Variants in PDGFRB observed in about 807,000 individuals in gnomAD.
The protein encoded by PDGFRB is platelet derived growth factor receptor beta, also known as platelet-derived growth factor receptor beta.
In PDGFRB, 42 loss-of-function variants were observed where a neutral mutation model predicts 120.2. That is an observed-to-expected ratio of 0.35 (90% CI 0.27 to 0.45). PDGFRB has a LOEUF of 0.45. PDGFRB is among the 20% of genes least tolerant of loss of function. The pLI is 1.00. For synonymous variants in PDGFRB, 586 were observed against 606.8 expected (o/e 0.97, Z 0.50); for missense variants, 1,149 against 1,476.3 (o/e 0.78, Z 3.63).
At chr5:150,155,344 A>T in intron 1 of PDGFRB, 53 bp downstream of exon 1, 5 of 194,826 alleles carry the variant, frequency 2.6e-5, no homozygotes, top group Non-Finnish European at 4.5e-5. Context: ...GATGCAGGTT[A>T]GGGCAAAGGG....
Position 150,118,796 on chromosome 5 carries a change from G to A in PDGFRB, c.2855C>T (p.Ser952Phe), listed in dbSNP as rs376007701. The A allele has an allele frequency of 1.9e-6, 3 of 1,613,742 alleles. No homozygotes were observed. In the East Asian group the frequency reaches 6.7e-5, roughly 36 times the overall value. ...TCTCTCGAGAAGCAGCACCAGCTGG[G>A]AGAAGGGGGGCCGAATCTCAAACTT... is the stretch of plus-strand genomic sequence containing the variant. ...EEKFEIRPPF[S>F]QLVLLLERLL... The change falls in exon 21 of 23, where the codon TCC becomes TTC. Residue 952 changes from serine (S) to phenylalanine (F), a missense_variant. Physicochemically the swap from Ser to Phe is radical, Grantham distance 155 (BLOSUM62 -2). Coordinates refer to ENST00000261799, the MANE Select transcript of PDGFRB (RefSeq NM_002609.4).
intron 1 of PDGFRB, among the ~76,000 whole-genome samples, chr5:150,145,833 C>T (rs1249070208): frequency 6.6e-6 from 1 of 152,108 alleles, no homozygotes; most frequent in Admixed American, 6.6e-5. Context: ...CCCGAGATCG[C>T]GCCACTGCAC....
rs114986650 is a variant in PDGFRB at position 150,131,270 on chromosome 5, C to T, written c.1244-608G>A. ...CACTGCCCTATCCCCGTTCTGACTT[C>T]ATCTCCCACCACTCTCCCCAACAGC... is the stretch of plus-strand genomic sequence containing the variant. On this transcript the variant is annotated intron_variant, in intron 8 of 22. Coordinates refer to ENST00000261799, the MANE Select transcript of PDGFRB (RefSeq NM_002609.4). 3.7e-3 allele frequency among the ~76,000 whole-genome samples: 558 copies of T among 152,268 alleles called. 2 individuals are homozygous for T. The highest frequency in any genetic ancestry group is 0.013 in the African/African-American group (545 of 41,534).
Position 150,154,357 on chromosome 5 carries a change from A to G in PDGFRB, c.-7+1040T>C, listed in dbSNP as rs563474725. Among the ~76,000 whole-genome samples, 6 of 152,280 alleles carry G rather than the reference A, an allele frequency of 3.9e-5. No individual in the cohort carries two copies. In the South Asian group the frequency reaches 1.2e-3, roughly 32 times the overall value. On this transcript the variant is annotated intron_variant, in intron 1 of 22. Transcript: ENST00000261799. Reference sequence around the variant, plus strand: ...GGCACGGGGAGATTCCAACCTCTCCAGGCTGTGCCACTTACTAGCTGTGTG... The same window carrying G: ...GGCACGGGGAGATTCCAACCTCTCCGGGCTGTGCCACTTACTAGCTGTGTG...
chr5:150,123,695 C>T (rs1207162042), intron 14 of PDGFRB, among the ~76,000 whole-genome samples: 8 of 152,136 alleles, frequency 5.3e-5, no homozygotes, highest in Admixed American at 5.2e-4. Flanking sequence ...TCATTGCAAA[C>T]GTGAATAAGT....
chr5:150,121,549 C>T lies in PDGFRB; in HGVS notation c.2345-227G>A, dbSNP rs1446879739. The stretch of plus-strand genomic sequence containing the variant: ...TAGCCCTTGGGCCACTTTTGCCCAG[C>T]CTGGCCTGCCTGCCTGCCTCTCAGG... On this transcript the variant is annotated intron_variant, in intron 16 of 22. Coordinates refer to ENST00000261799, the MANE Select transcript of PDGFRB (RefSeq NM_002609.4). This position sits in a 1 kb window ranked among gnomAD's most constrained non-coding sequence, Gnocchi z 4.1. 6.6e-6 allele frequency among the ~76,000 whole-genome samples: 1 copy of T among 152,242 alleles called. No individual in the cohort carries two copies. Among genetic ancestry groups the T allele is most frequent in the African/African-American group, 2.4e-5 (1 of 41,466 alleles).
chr5:150,119,593 C>G, intron 19 of PDGFRB, 27 bp from the exon 20 acceptor site: 2 of 1,402,096 alleles, frequency 1.4e-6, no homozygotes, highest in Non-Finnish European at 2.0e-6. Flanking sequence ...ACAAGAGATA[C>G]ACAGGCTCAG....
At chr5:150,140,104 G>A (rs1417816275) in intron 1 of PDGFRB, among the ~76,000 whole-genome samples, 1 of 152,194 alleles carries the variant, frequency 6.6e-6, no homozygotes, top group African/African-American at 2.4e-5. Flanking sequence ...GAGGGCCAGG[G>A]AGGGCAGAGA....
rs1759842481 is a variant in PDGFRB at position 150,114,053 on chromosome 5, GAAGT to G, written c.*1706_*1709del. 1 of 233,670 alleles carries G rather than the reference GAAGT, an allele frequency of 4.3e-6. No homozygotes were observed. Among genetic ancestry groups the G allele is most frequent in the Non-Finnish European group, 8.5e-6 (1 of 118,012 alleles). 14.5% of individuals were successfully genotyped at this position (233,670 alleles called of 1,614,324 possible). On this transcript the variant is annotated 3_prime_UTR_variant, in exon 23 of 23. Coordinates refer to ENST00000261799, the MANE Select transcript of PDGFRB (RefSeq NM_002609.4). Reference sequence around the variant, plus strand: ...TTGGACCAACTCTGGGGATCCCAGGGAAGTAAGGTGCCAACCTGCAATGCAGGGT... The same window carrying G: ...TTGGACCAACTCTGGGGATCCCAGGGAAGGTGCCAACCTGCAATGCAGGGT...
intron 1 of PDGFRB, among the ~76,000 whole-genome samples, chr5:150,154,934 C>T (rs780262328): frequency 1.1e-4 from 17 of 152,234 alleles, no homozygotes; most frequent in Non-Finnish European, 2.5e-4. Flanking sequence ...GGTTGCCTGG[C>T]GGCTGACTGG....
chr5:150,131,041 G>A (rs913808327), intron 8 of PDGFRB, among the ~76,000 whole-genome samples: 5 of 152,136 alleles, frequency 3.3e-5, no homozygotes, highest in Admixed American at 2.0e-4. Context: ...ATGTGATGCC[G>A]ATTTTCCACC....
intron 10 of PDGFRB, among the ~76,000 whole-genome samples, chr5:150,128,886 A>G (rs1006374644): frequency 6.6e-6 from 1 of 152,154 alleles, no homozygotes; most frequent in Non-Finnish European, 1.5e-5. Context: ...TTATACTTCA[A>G]TGAGAAGTTG....
intron 10 of PDGFRB, among the ~76,000 whole-genome samples, chr5:150,127,720 G>A (rs1760333570): frequency 6.7e-6 from 1 of 150,240 alleles, no homozygotes; most frequent in Non-Finnish European, 1.5e-5. Flanking sequence ...TGTCATCCCA[G>A]CTATTTGGGA....
intron 1 of PDGFRB, among the ~76,000 whole-genome samples, chr5:150,137,970 G>A (rs1489017567): frequency 6.6e-6 from 1 of 152,202 alleles, no homozygotes; most frequent in African/African-American, 2.4e-5. Context: ...GACAAAGACA[G>A]AGACAGAAGC....
At chr5:150,151,427 A>AG (rs960813886) in intron 1 of PDGFRB, among the ~76,000 whole-genome samples, 7 of 152,202 alleles carry the variant, frequency 4.6e-5, no homozygotes, top group African/African-American at 1.7e-4. Context: ...CTGGATCCCC[A>AG]GGGGCATCCC....
rs577920251 is a variant in PDGFRB at position 150,121,712 on chromosome 5, G to T, written c.2344+168C>A. ...TTCCGGATCCATAAACAGGGCTTCC[G>T]TTTAGGGGTCCACTACAGATCAGTT... On this transcript the variant is annotated intron_variant, in intron 16 of 22. Coordinates refer to ENST00000261799, the MANE Select transcript of PDGFRB (RefSeq NM_002609.4). This position sits in a 1 kb window ranked among gnomAD's most constrained non-coding sequence, Gnocchi z 4.1. Among the ~76,000 whole-genome samples, 1 of 152,304 alleles carries T rather than the reference G, an allele frequency of 6.6e-6. No homozygotes were observed. The highest frequency in any genetic ancestry group is 2.4e-5 in the African/African-American group (1 of 41,572).
intron 1 of PDGFRB, chr5:150,137,344 CCCTGTCTG>C: frequency 2.6e-6 from 1 of 377,566 alleles, no homozygotes; most frequent in South Asian, 3.6e-5. Context: ...GCCTTAGTTT[CCCTGTCTG>C]TACAGTGAGG....
intron 1 of PDGFRB, among the ~76,000 whole-genome samples, chr5:150,151,923 G>C (rs962454372): frequency 6.7e-6 from 1 of 148,928 alleles, no homozygotes; most frequent in African/African-American, 2.6e-5. Context: ...TTGCTGTGAC[G>C]GTTTATTTAT....
chr5:150,126,535 G>T lies in PDGFRB; in HGVS notation c.1659C>A (p.Ile553=). 1 of 1,595,792 alleles carries T rather than the reference G, an allele frequency of 6.3e-7. No individual in the cohort carries two copies. Among genetic ancestry groups the T allele is most frequent in the Non-Finnish European group, 8.6e-7 (1 of 1,163,306 alleles). Reference sequence around the variant, plus strand: ...AGGGGCTTACCTTCTGCCAAAGCATGATGAGGATGATAAGGGAGATGATGG... The same window carrying T: ...AGGGGCTTACCTTCTGCCAAAGCATTATGAGGATGATAAGGGAGATGATGG... ...VLTIISLIIL[I]MLWQKKPRYE... is the part of the protein sequence containing the mutation. Residue 553 remains isoleucine (I), a synonymous_variant, in exon 11 of 23, where the codon ATC becomes ATA. Transcript: ENST00000261799.
Sources: allele counts gnomAD v4.1 joint callset (sites outside exome capture counted in the v4.1 genomes callset), GRCh38; gene constraint gnomAD v4.1.1; non-coding constraint Gnocchi (gnomAD v3.1); transcripts MANE v1.5; gene names NCBI Gene and HGNC (gene_info 2026-07-23, HGNC 2026-07-21).